MAML2: variants seen among roughly 807,000 people sequenced by gnomAD.
The protein encoded by MAML2 is mastermind-like protein 2.
MAML2 carries 22 observed loss-of-function variants against 96.1 expected under a neutral mutation model. The ratio of observed to expected loss-of-function variants is 0.23; its 90% CI spans 0.16 to 0.33. MAML2 has a LOEUF of 0.33. MAML2 is among the 10% of genes least tolerant of loss of function. MAML2 has a pLI of 1.00. For missense variants in MAML2, 1,367 were observed against 1,392.4 expected (o/e 0.98, Z 0.29); for synonymous variants, 561 against 521.3 (o/e 1.08, Z -1.04).
At chr11:96,201,263 A>AAAGGAGAAAGAG (rs1332334780) in intron 1 of MAML2, among the ~76,000 whole-genome samples, 1 of 152,180 alleles carries the variant, frequency 6.6e-6, no homozygotes, top group Non-Finnish European at 1.5e-5. Flanking sequence ...TTCAAGAAGA[A>AAAGGAGAAAGAG]AAGGAGAAAG....
rs11021541 is a variant in MAML2, at chr11:96,341,713, A to T, written c.183T>A (p.Gly61=). 6.2e-7 allele frequency: 1 copy of T among 1,611,876 alleles called. No individual in the cohort carries two copies. Among genetic ancestry groups the T allele is most frequent in the Non-Finnish European group, 8.5e-7 (1 of 1,179,196 alleles). ...TTTCCCGGTCTGAGCTCTCGGCCCT[A>T]CCTCGTTCATATCGTCCTTCACAGC... is the stretch of plus-strand genomic sequence containing the variant. ...HLSCEGRYER[G]RAESSDRERE... is the part of the protein sequence containing the mutation. The change falls in exon 1 of 5, where the codon GGT becomes GGA. Residue 61 remains glycine (G), a synonymous_variant. Coordinates refer to ENST00000524717, the MANE Select transcript of MAML2 (RefSeq NM_032427.4).
chr11:96,341,788 G>A lies in MAML2; in HGVS notation c.108C>T (p.Ile36=), dbSNP rs1172741142. Residue 36 remains isoleucine (I), a synonymous_variant, in exon 1 of 5, where the codon ATC becomes ATT. Transcript: ENST00000524717. ...GSVTPRVHSA[I]VERLRARIAV... is the part of the protein sequence containing the mutation. The stretch of plus-strand genomic sequence containing the variant: ...CGATCCGAGCCCGGAGGCGCTCCAC[G>A]ATAGCACTGTGCACTCTCGGGGTGA... 74 of 1,609,540 alleles carry A rather than the reference G, an allele frequency of 4.6e-5. No individual in the cohort carries two copies. Among genetic ancestry groups the A allele is most frequent in the Non-Finnish European group, 6.0e-5 (71 of 1,179,028 alleles).
intron 1 of MAML2, among the ~76,000 whole-genome samples, chr11:96,251,795 G>A (rs1004013179): frequency 6.7e-6 from 1 of 149,950 alleles, no homozygotes; most frequent in African/African-American, 2.5e-5. Flanking sequence ...GCAGTGACGC[G>A]ATCTTGGCTC....
At chr11:96,193,622 T>C (rs953116473) in intron 1 of MAML2, among the ~76,000 whole-genome samples, 8 of 152,194 alleles carry the variant, frequency 5.3e-5, no homozygotes, top group African/African-American at 1.9e-4. Context: ...CTGGAACATA[T>C]GCAAATCAGC....
intron 1 of MAML2, among the ~76,000 whole-genome samples, chr11:96,257,805 G>A (rs996582159): frequency 3.3e-5 from 5 of 152,182 alleles, no homozygotes; most frequent in Admixed American, 1.3e-4. Context: ...GAGGAGAGAC[G>A]AGAAGGACTT....
At chr11:96,336,443 G>T (rs1184473765) in intron 1 of MAML2, among the ~76,000 whole-genome samples, 1 of 152,182 alleles carries the variant, frequency 6.6e-6, no homozygotes, top group African/African-American at 2.4e-5. Context: ...AGTAAGCAGG[G>T]ACAATGTCTT....
intron 2 of MAML2, among the ~76,000 whole-genome samples, chr11:95,993,995 G>A (rs1181563917): frequency 3.3e-5 from 5 of 152,182 alleles, no homozygotes; most frequent in Non-Finnish European, 7.3e-5. Context: ...GTAAGTGGCC[G>A]AGGAGGATTT....
chr11:96,238,783 A>T (rs1862396647), intron 1 of MAML2, among the ~76,000 whole-genome samples: 1 of 152,232 alleles, frequency 6.6e-6, no homozygotes, highest in African/African-American at 2.4e-5. Context: ...AATGGGGTAG[A>T]ACATTATTGA....
Position 96,167,020 on chromosome 11 carries a change from G to A in MAML2, c.514-73503C>T, listed in dbSNP as rs143962352. Among the ~76,000 whole-genome samples, 448 of 152,222 alleles carry A rather than the reference G, an allele frequency of 2.9e-3. 9 individuals are homozygous for A. Among genetic ancestry groups the A allele is most frequent in the Admixed American group, 0.019 (290 of 15,298 alleles). ...CCATGTCCCCATTTGAAAACTTGCT[G>A]TTCATTCATCTTAATAAATGCCTGC... is the stretch of plus-strand genomic sequence containing the variant. On this transcript the variant is annotated intron_variant, in intron 1 of 4. Coordinates refer to ENST00000524717, the MANE Select transcript of MAML2 (RefSeq NM_032427.4).
chr11:96,291,144 A>C (rs139153846), intron 1 of MAML2, among the ~76,000 whole-genome samples: 2,319 of 30,922 alleles, frequency 0.075, 51 homozygotes, highest in Non-Finnish European at 0.1. Context: ...TTTTTTTTTG[A>C]GATGTAGTTT....
intron 1 of MAML2, among the ~76,000 whole-genome samples, chr11:96,134,968 A>G (rs1860604690): frequency 6.6e-6 from 1 of 152,224 alleles, no homozygotes; most frequent in Non-Finnish European, 1.5e-5. Context: ...ATAACAGTGG[A>G]CACATATTGA....
At chr11:96,274,571 C>A (rs934412203) in intron 1 of MAML2, among the ~76,000 whole-genome samples, 1 of 151,674 alleles carries the variant, frequency 6.6e-6, no homozygotes, top group Non-Finnish European at 1.5e-5. Flanking sequence ...ACTTTAAAAA[C>A]CAGAAATATT....
At position 96,093,656 on chromosome 11, in the gene MAML2, A is replaced by G. The variant is rs899229654; in HGVS notation, c.514-139T>C. ...TTTTTTAAAAAAATGGCACAGAGAG[A>G]GCACAAATGAAGCACAATCTGGATT... On this transcript the variant is annotated intron_variant, in intron 1 of 4. Coordinates refer to ENST00000524717, the MANE Select transcript of MAML2 (RefSeq NM_032427.4). 20 of 641,382 alleles carry G rather than the reference A, an allele frequency of 3.1e-5. No individual in the cohort carries two copies. The African/African-American group carries it at 3.5e-4, about 11-fold the overall frequency. 39.7% of individuals were successfully genotyped at this position (641,382 alleles called of 1,614,324 possible).
chr11:96,176,975 A>G (rs564026733), intron 1 of MAML2, among the ~76,000 whole-genome samples: 3 of 152,268 alleles, frequency 2.0e-5, no homozygotes, highest in African/African-American at 7.2e-5. Flanking sequence ...AGGAGAACAT[A>G]TTTTTACCTT....
chr11:95,991,817 CA>C, intron 2 of MAML2, 94 bp from the exon 3 acceptor site: 2 of 942,074 alleles, frequency 2.1e-6, no homozygotes, highest in Non-Finnish European at 3.3e-6. Context: ...AAACATTTTT[CA>C]TCTTATTAAA....
At position 96,273,964 on chromosome 11, in the gene MAML2, C is replaced by T. The variant is rs11604204; in HGVS notation, c.513+67419G>A. On this transcript the variant is annotated intron_variant, in intron 1 of 4. Coordinates refer to ENST00000524717, the MANE Select transcript of MAML2 (RefSeq NM_032427.4). Reference sequence around the variant, plus strand: ...ATTTTTACAACATGTAATTCCCATTCATTATAAGATAGTATCATCCTGTTA... The same window carrying T: ...ATTTTTACAACATGTAATTCCCATTTATTATAAGATAGTATCATCCTGTTA... Among the ~76,000 whole-genome samples, 960 of 151,900 alleles carry T rather than the reference C, an allele frequency of 6.3e-3. 11 individuals carry two copies. Among genetic ancestry groups the T allele is most frequent in the African/African-American group, 0.022 (905 of 41,458 alleles).
chr11:96,335,262 G>A lies in MAML2; in HGVS notation c.513+6121C>T, dbSNP rs111838421. Among the ~76,000 whole-genome samples, 356 of 152,208 alleles carry A rather than the reference G, an allele frequency of 2.3e-3. 2 individuals are homozygous for A. Among genetic ancestry groups the A allele is most frequent in the African/African-American group, 7.8e-3 (323 of 41,526 alleles). Reference sequence around the variant, plus strand: ...CCATCTAAAATAATGCTTTTCTCACGAATTTTTGTTCATGATTTTTTTAAT... The same window carrying A: ...CCATCTAAAATAATGCTTTTCTCACAAATTTTTGTTCATGATTTTTTTAAT... On this transcript the variant is annotated intron_variant, in intron 1 of 4. Transcript: ENST00000524717.
intron 1 of MAML2, among the ~76,000 whole-genome samples, chr11:96,201,615 AG>A (rs1861822765): frequency 6.6e-6 from 1 of 152,220 alleles, no homozygotes; most frequent in African/African-American, 2.4e-5. Context: ...ACCTAAGAAA[AG>A]GATTTTAAAA....
chr11:96,251,572 C>T (rs1439969228), intron 1 of MAML2, among the ~76,000 whole-genome samples: 1 of 151,940 alleles, frequency 6.6e-6, no homozygotes, highest in African/African-American at 2.4e-5. Flanking sequence ...CTAGCTAAGC[C>T]CAAAAGACAG....
Sources: allele counts gnomAD v4.1 joint callset (sites outside exome capture counted in the v4.1 genomes callset), GRCh38; gene constraint gnomAD v4.1.1; transcripts MANE v1.5; gene names NCBI Gene and HGNC (gene_info 2026-07-23, HGNC 2026-07-21).